The following OSBPL8 variants were observed in gnomAD, a reference collection of about 807,000 sequenced individuals.
OSBPL8 encodes oxysterol-binding protein-related protein 8.
A neutral mutation model predicts 125.5 loss-of-function variants in OSBPL8; 59 were observed. That is an observed-to-expected ratio of 0.47 (90% CI 0.38 to 0.58). The LOEUF (loss-of-function observed/expected upper bound fraction) is 0.58. Ranked by LOEUF, OSBPL8 falls within the 20% of genes least tolerant of loss-of-function variation. OSBPL8 has a pLI of 0.00. For synonymous variants in OSBPL8, 330 were observed against 338.9 expected, an observed-to-expected ratio of 0.97 and a Z score of 0.29; for missense variants, 758 against 1,047.8, an observed-to-expected ratio of 0.72 and a Z score of 3.82.
At chr12:76,441,120 A>C (rs577384414) in intron 4 of OSBPL8, among the ~76,000 whole-genome samples, 58 of 152,154 alleles carry the variant, frequency 3.8e-4, no homozygotes, top group African/African-American at 1.4e-3. Flanking sequence ...AATTAAACTC[A>C]TGTGGGCAGG....
chr12:76,518,421 C>T (rs995115375), intron 1 of OSBPL8, among the ~76,000 whole-genome samples: 1 of 152,174 alleles, frequency 6.6e-6, no homozygotes, highest in Non-Finnish European at 1.5e-5. Context: ...GACTTGAGTG[C>T]CTGCAGCTTT....
At chr12:76,444,961 A>T (rs544084469) in intron 4 of OSBPL8, among the ~76,000 whole-genome samples, 1 of 152,328 alleles carries the variant, frequency 6.6e-6, no homozygotes, top group East Asian at 1.9e-4. Context: ...ACTTTCACTT[A>T]AAATTTTATA....
chr12:76,378,137 C>T (rs1404666577), intron 16 of OSBPL8, among the ~76,000 whole-genome samples: 1 of 152,076 alleles, frequency 6.6e-6, no homozygotes. Flanking sequence ...ATCATCTTTA[C>T]AGATTCTGAA....
At chr12:76,533,913 A>G (rs1950420198) in intron 1 of OSBPL8, among the ~76,000 whole-genome samples, 1 of 152,224 alleles carries the variant, frequency 6.6e-6, no homozygotes, top group South Asian at 2.1e-4. Context: ...ATCTCTATCT[A>G]GGAAAGCACA....
At position 76,559,625 on chromosome 12, in the gene OSBPL8, C is replaced by T. The variant is rs1166692820; in HGVS notation, c.-296G>A. The T allele has an allele frequency of 5.9e-5, 9 of 152,242 alleles. No individual in the cohort carries two copies. Among genetic ancestry groups the T allele is most frequent in the African/African-American group, 2.2e-4 (9 of 41,464 alleles). The allele number at this position is 152,242 out of a possible 1,614,324, so 9.4% of individuals were successfully genotyped here. On this transcript the variant is annotated 5_prime_UTR_variant, in exon 1 of 24. Transcript: ENST00000261183. ...GGCGGGAACTTTCGGCCCCGAGGTC[C>T]ACCAGCCCGGGCGGACCCCCACCTT... is the stretch of plus-strand genomic sequence containing the variant.
chr12:76,378,838 T>G (rs1952927267), intron 15 of OSBPL8, among the ~76,000 whole-genome samples: 1 of 152,122 alleles, frequency 6.6e-6, no homozygotes. Flanking sequence ...TGGAGTGATC[T>G]CGACTCACTG....
intron 6 of OSBPL8, 76 bp from the exon 7 acceptor site, chr12:76,400,050 T>G: frequency 9.0e-7 from 1 of 1,105,736 alleles, no homozygotes; most frequent in Non-Finnish European, 1.3e-6. Flanking sequence ...GGGGTACAAA[T>G]GCAGGTTTGT....
intron 1 of OSBPL8, among the ~76,000 whole-genome samples, chr12:76,555,023 T>G (rs148610484): frequency 1.3e-5 from 2 of 152,320 alleles, no homozygotes; most frequent in East Asian, 3.9e-4. Context: ...ACAAAAAGCT[T>G]AGATAAGAAA....
At chr12:76,485,444 A>G (rs1878025543) in intron 2 of OSBPL8, among the ~76,000 whole-genome samples, 1 of 152,004 alleles carries the variant, frequency 6.6e-6, no homozygotes, top group African/African-American at 2.4e-5. Flanking sequence ...ATGGTGGCAC[A>G]TGCCTGTAAT....
chr12:76,422,021 ATAAATT>A (rs1302555022), intron 4 of OSBPL8, among the ~76,000 whole-genome samples: 1 of 152,094 alleles, frequency 6.6e-6, no homozygotes, highest in Non-Finnish European at 1.5e-5. Context: ...AGAATTTAAG[ATAAATT>A]TAAGAATTTA....
intron 15 of OSBPL8, among the ~76,000 whole-genome samples, chr12:76,378,951 G>C (rs1952931936): frequency 6.6e-6 from 1 of 151,998 alleles, no homozygotes; most frequent in African/African-American, 2.4e-5. Flanking sequence ...TATATTTGTA[G>C]TAGAGACAGG....
chr12:76,413,686 C>T (rs936162521), intron 4 of OSBPL8, among the ~76,000 whole-genome samples: 9 of 152,114 alleles, frequency 5.9e-5, no homozygotes, highest in Non-Finnish European at 7.4e-5. Flanking sequence ...TTTTAGTTTG[C>T]GTGTCCCTGA....
chr12:76,485,615 A>G (rs1040417580), intron 2 of OSBPL8, among the ~76,000 whole-genome samples: 1 of 152,210 alleles, frequency 6.6e-6, no homozygotes, highest in African/African-American at 2.4e-5. Flanking sequence ...ACTTGGATAC[A>G]TACTTTGAAA....
At chr12:76,485,864 A>C (rs539693704) in intron 2 of OSBPL8, among the ~76,000 whole-genome samples, 2 of 152,308 alleles carry the variant, frequency 1.3e-5, no homozygotes, top group Admixed American at 1.3e-4. Flanking sequence ...TAAAAACAGC[A>C]ACTGATATTT....
rs1339152991 is a variant in OSBPL8, at chr12:76,486,057, A to G, written c.42+1453T>C. The G allele has an allele frequency of 6.9e-6, 3 of 432,724 alleles. 1 individual carries two copies. Among genetic ancestry groups the G allele is most frequent in the South Asian group, 5.0e-5 (3 of 59,476 alleles). The allele number at this position is 432,724 out of a possible 1,614,324, so 26.8% of individuals were successfully genotyped here. ...TACCATCCGTTTTTCATTTAAATCA[A>G]TGTGACAACAGCCTTCTTCATAAGC... On this transcript the variant is annotated intron_variant, in intron 2 of 23. Coordinates refer to ENST00000261183, the MANE Select transcript of OSBPL8 (RefSeq NM_020841.5).
At chr12:76,513,049 A>C (rs1455253784) in intron 1 of OSBPL8, among the ~76,000 whole-genome samples, 1 of 152,216 alleles carries the variant, frequency 6.6e-6, no homozygotes, top group Non-Finnish European at 1.5e-5. Flanking sequence ...ACTTTGCTGA[A>C]CTTACCCAAA....
Position 76,397,727 on chromosome 12 carries a change from GA to G in OSBPL8, c.638del (p.Phe213SerfsTer11). ...CCCAAATAGATTGCTCCAAAGGATG[GA>G]AAAGTTTGAAACAAAAGCCATCCTT... ...SKKDGFCFKL[F>X]HPLEQSIWAV... is the part of the protein sequence containing the mutation. On this transcript the variant is annotated frameshift_variant, in exon 8 of 24. Transcript: ENST00000261183. LOFTEE classifies it high-confidence loss of function. 1 of 1,614,016 alleles carries G rather than the reference GA, an allele frequency of 6.2e-7. No homozygotes were observed. Among genetic ancestry groups the G allele is most frequent in the Non-Finnish European group, 8.5e-7 (1 of 1,179,968 alleles).
At chr12:76,462,428 G>A (rs1874851529) in intron 2 of OSBPL8, among the ~76,000 whole-genome samples, 1 of 151,696 alleles carries the variant, frequency 6.6e-6, no homozygotes, top group African/African-American at 2.4e-5. Flanking sequence ...TTCAAGTTGA[G>A]GCACTGAACA....
chr12:76,491,392 T>A (rs1878698165), intron 1 of OSBPL8, among the ~76,000 whole-genome samples: 1 of 152,188 alleles, frequency 6.6e-6, no homozygotes, highest in South Asian at 2.1e-4. Context: ...AGACTTCTAA[T>A]CATTTTCTTG....
Sources: allele counts gnomAD v4.1 joint callset (sites outside exome capture counted in the v4.1 genomes callset), GRCh38; gene constraint gnomAD v4.1.1; transcripts MANE v1.5; gene names NCBI Gene and HGNC (gene_info 2026-07-23, HGNC 2026-07-21).